Variants in STRBP observed in about 807,000 individuals in gnomAD.
The protein encoded by STRBP is spermatid perinuclear RNA-binding protein.
STRBP carries 13 observed loss-of-function variants against 80.1 expected under a neutral mutation model. The ratio of observed to expected loss-of-function variants is 0.16; its 90% confidence interval spans 0.11 to 0.26. STRBP has a LOEUF of 0.26. Ranked by LOEUF, STRBP falls within the 10% of genes least tolerant of loss-of-function variation. STRBP has a pLI of 1.00. For synonymous variants in STRBP, 284 were observed against 291.2 expected (o/e 0.98, Z 0.25); for missense variants, 485 against 815.2 (o/e 0.59, Z 4.93).
chr9:123,145,752 A>G (rs1400854121), intron 13 of STRBP, among the ~76,000 whole-genome samples: 1 of 152,142 alleles, frequency 6.6e-6, no homozygotes, highest in Non-Finnish European at 1.5e-5. Context: ...TCCTGGATTT[A>G]CTTTTCCCCT....
chr9:123,159,920 T>G (rs1207870347), intron 8 of STRBP, among the ~76,000 whole-genome samples: 1 of 152,170 alleles, frequency 6.6e-6, no homozygotes, highest in East Asian at 1.9e-4. Context: ...TATTTGTAAA[T>G]GTCTCCACTC....
chr9:123,124,174 G>A lies in STRBP; in HGVS notation c.*1423C>T. On this transcript the variant is annotated 3_prime_UTR_variant, in exon 19 of 19. Transcript: ENST00000348403. ...CATATTTTGTGAAGCCCATTCTCAT[G>A]GATGGGCCCTGTCAAGTTCCCAAAA... 3 of 985,434 alleles carry A rather than the reference G, an allele frequency of 3.0e-6. No homozygotes were observed. The highest frequency in any genetic ancestry group is 3.6e-6 in the Non-Finnish European group (3 of 829,922). The allele number at this position is 985,434 out of a possible 1,614,324, so 61.0% of individuals were successfully genotyped here.
At chr9:123,207,667 G>C (rs1456750783) in intron 2 of STRBP, among the ~76,000 whole-genome samples, 1 of 152,038 alleles carries the variant, frequency 6.6e-6, no homozygotes. Flanking sequence ...AAACCACCAA[G>C]GCATGTGTAT....
chr9:123,190,008 G>C (rs1051206607), intron 2 of STRBP, among the ~76,000 whole-genome samples: 1 of 152,010 alleles, frequency 6.6e-6, no homozygotes, highest in Non-Finnish European at 1.5e-5. Flanking sequence ...GGCCAGGTGC[G>C]GTGGCTCACA....
intron 16 of STRBP, among the ~76,000 whole-genome samples, chr9:123,133,386 G>C (rs553277610): frequency 6.6e-6 from 1 of 152,088 alleles, no homozygotes; most frequent in African/African-American, 2.4e-5. Flanking sequence ...TGGGGCTAGT[G>C]GGGGGAAAAC....
At chr9:123,119,140 C>T (rs925748626), downstream of STRBP, among the ~76,000 whole-genome samples, 3 of 152,294 alleles carry the variant, frequency 2.0e-5, no homozygotes, top group South Asian at 6.2e-4. Flanking sequence ...GTGCTTTTCA[C>T]TGAAGCATCC....
At chr9:123,127,835 G>A (rs559613985) in intron 18 of STRBP, among the ~76,000 whole-genome samples, 4 of 152,320 alleles carry the variant, frequency 2.6e-5, no homozygotes, top group African/African-American at 9.6e-5. Flanking sequence ...AACTCACACG[G>A]TTCCAAACCA....
rs538945962 is a variant in STRBP, at chr9:123,136,164, C to A, written c.1650G>T (p.Gln550His). ...RFVMEVEVDGQKFRGAGPNKK... is the reference protein window; with the variant it reads ...RFVMEVEVDGHKFRGAGPNKK... Reference sequence around the variant, plus strand: ...TATTTGGACCTGCGCCTCTGAATTTCTGTCCATCTACTTCTACCTACAATC... The same window carrying A: ...TATTTGGACCTGCGCCTCTGAATTTATGTCCATCTACTTCTACCTACAATC... Residue 550 changes from glutamine (Q) to histidine (H), a missense_variant, in exon 16 of 19, where the codon CAG becomes CAT. Gln to His is a conservative substitution (Grantham distance 24). This residue lies in a region of STRBP where 23 missense variants were observed against 79.0 expected (regional missense o/e 0.29). Transcript: ENST00000348403. The surrounding 1 kb of genome is among the most constrained non-coding windows in gnomAD (Gnocchi z 4.2). 6.2e-7 allele frequency: 1 copy of A among 1,614,218 alleles called. No individual in the cohort carries two copies. The highest frequency in any genetic ancestry group is 1.3e-5 in the African/African-American group (1 of 75,070).
chr9:123,198,427 G>A (rs1003958461), intron 2 of STRBP, among the ~76,000 whole-genome samples: 3 of 151,892 alleles, frequency 2.0e-5, no homozygotes, highest in Non-Finnish European at 4.4e-5. Context: ...TGTGAGCCAC[G>A]GCGCCCGGCC....
chr9:123,116,897 C>CT (rs752385991), downstream of STRBP, among the ~76,000 whole-genome samples: 15 of 152,186 alleles, frequency 9.9e-5, no homozygotes, highest in Non-Finnish European at 1.8e-4. Context: ...AAATTCAAAA[C>CT]TAATTCCTCA....
intron 2 of STRBP, among the ~76,000 whole-genome samples, chr9:123,196,022 G>C (rs1432364054): frequency 6.6e-6 from 1 of 152,062 alleles, no homozygotes; most frequent in African/African-American, 2.4e-5. Flanking sequence ...TATAAAAACA[G>C]ACACAAAGAC....
intron 1 of STRBP, among the ~76,000 whole-genome samples, chr9:123,262,503 A>G (rs1204617162): frequency 1.3e-5 from 2 of 152,250 alleles, no homozygotes. Context: ...AGAATTTATT[A>G]CACAACCTGC....
chr9:123,136,577 A>C lies in STRBP; in HGVS notation c.1498-62T>G. On this transcript the variant is annotated intron_variant, in intron 14 of 18. Transcript: ENST00000348403. The surrounding 1 kb of genome is among the most constrained non-coding windows in gnomAD (Gnocchi z 4.2). ...AAGATTTTAGAATATTACATTTCTT[A>C]TTAATACAATTATGCTAAGAAGGAG... 1 of 1,564,542 alleles carries C rather than the reference A, an allele frequency of 6.4e-7. No individual in the cohort carries two copies. The highest frequency in any genetic ancestry group is 2.3e-5 in the East Asian group (1 of 43,712).
intron 1 of STRBP, among the ~76,000 whole-genome samples, chr9:123,255,315 AG>A (rs1272842210): frequency 3.3e-5 from 5 of 152,244 alleles, no homozygotes; most frequent in African/African-American, 1.2e-4. Context: ...CTATGTCCTA[AG>A]GGGAAAAACA....
chr9:123,245,763 A>G (rs959569095), intron 1 of STRBP, among the ~76,000 whole-genome samples: 1 of 152,204 alleles, frequency 6.6e-6, no homozygotes, highest in African/African-American at 2.4e-5. Flanking sequence ...AGAGCTAGAG[A>G]GTCTTTTTAA....
chr9:123,237,914 G>C (rs1440703829), intron 1 of STRBP, among the ~76,000 whole-genome samples: 1 of 152,194 alleles, frequency 6.6e-6, no homozygotes, highest in Non-Finnish European at 1.5e-5. Flanking sequence ...TTAAAGCATA[G>C]TAGATAAGAG....
downstream of STRBP, among the ~76,000 whole-genome samples, chr9:123,120,402 G>C (rs1300813579): frequency 6.7e-6 from 1 of 150,002 alleles, no homozygotes; most frequent in East Asian, 2.0e-4. Flanking sequence ...ACCATTCACA[G>C]AGCAGGTTGT....
At chr9:123,264,758 A>G (rs2041233048) in intron 1 of STRBP, among the ~76,000 whole-genome samples, 3 of 152,276 alleles carry the variant, frequency 2.0e-5, no homozygotes, top group Admixed American at 2.0e-4. Context: ...TAGGATATCT[A>G]AAGTGCCTAC....
chr9:123,166,175 A>G (rs1461313932), intron 6 of STRBP, among the ~76,000 whole-genome samples: 3 of 152,230 alleles, frequency 2.0e-5, no homozygotes, highest in African/African-American at 4.8e-5. Context: ...ATAAATCAGT[A>G]TACTGATTCT....
Sources: allele counts gnomAD v4.1 joint callset (sites outside exome capture counted in the v4.1 genomes callset), GRCh38; gene constraint gnomAD v4.1.1; regional missense constraint gnomAD v4.1.1; non-coding constraint Gnocchi (gnomAD v3.1); transcripts MANE v1.5; gene names NCBI Gene and HGNC (gene_info 2026-07-23, HGNC 2026-07-21).